ADAP2: variants seen among roughly 807,000 people sequenced by gnomAD.
ADAP2 encodes ArfGAP with dual PH domains 2, also known as arf-GAP with dual PH domain-containing protein 2.
A neutral mutation model predicts 54.9 loss-of-function variants in ADAP2; 42 were observed. The ratio of observed to expected loss-of-function variants is 0.77; its 90% CI spans 0.60 to 0.99. ADAP2 has a LOEUF of 0.99. ADAP2 is among the 50% of genes least tolerant of loss of function. The probability of loss-of-function intolerance (pLI) is 0.00; values close to 1 mark genes in which losing one functional copy is unlikely to be tolerated. For missense variants in ADAP2, 429 were observed against 480.4 expected, an observed-to-expected ratio of 0.89 and a Z score of 1.00; for synonymous variants, 177 against 180.1, an observed-to-expected ratio of 0.98 and a Z score of 0.14.
chr17:30,931,251 C>T (rs1366115020), intron 3 of ADAP2, among the ~76,000 whole-genome samples: 1 of 152,108 alleles, frequency 6.6e-6, no homozygotes. Flanking sequence ...CGGTGGTTCT[C>T]ATATAGCCCA....
At position 30,926,979 on chromosome 17, in the gene ADAP2, C is replaced by A. The variant is rs531253338; in HGVS notation, c.317+61C>A. 4.5e-6 allele frequency: 6 copies of A among 1,321,960 alleles called. No homozygotes were observed. The East Asian group carries it at 7.0e-5, about 15-fold the overall frequency. 81.9% of individuals were successfully genotyped at this position (1,321,960 alleles called of 1,614,324 possible). On this transcript the variant is annotated intron_variant, in intron 3 of 10. Coordinates refer to ENST00000330889, the MANE Select transcript of ADAP2 (RefSeq NM_018404.3). ...TCTGTCCTGGTTCCACCTCCTCCCCCTCTCCATCTTTGGTGTCTTCATCTG... is the reference window on the plus strand; with the variant it reads ...TCTGTCCTGGTTCCACCTCCTCCCCATCTCCATCTTTGGTGTCTTCATCTG...
chr17:30,934,648 C>A (rs1911744810), intron 5 of ADAP2, among the ~76,000 whole-genome samples: 1 of 152,134 alleles, frequency 6.6e-6, no homozygotes. Context: ...AACTCTTGTT[C>A]TCAGGGAGCT....
At chr17:30,936,351 A>T (rs1021104611) in intron 5 of ADAP2, among the ~76,000 whole-genome samples, 4 of 152,022 alleles carry the variant, frequency 2.6e-5, no homozygotes, top group African/African-American at 7.2e-5. Flanking sequence ...TTTTGTAGAG[A>T]TAGGGTTTTG....
At chr17:30,948,664 A>G (rs1393080873) in intron 6 of ADAP2, among the ~76,000 whole-genome samples, 3 of 152,184 alleles carry the variant, frequency 2.0e-5, no homozygotes, top group Non-Finnish European at 4.4e-5. Context: ...ATGGTTGTCT[A>G]TGTGGGAGAT....
intron 6 of ADAP2, among the ~76,000 whole-genome samples, chr17:30,947,768 C>T (rs576873617): frequency 6.6e-6 from 1 of 152,328 alleles, no homozygotes; most frequent in South Asian, 2.1e-4. Context: ...AAACCATATT[C>T]AGATGACTTT....
At chr17:30,928,175 A>G (rs1319966788) in intron 3 of ADAP2, among the ~76,000 whole-genome samples, 1 of 145,812 alleles carries the variant, frequency 6.9e-6, no homozygotes, top group Admixed American at 6.9e-5. Flanking sequence ...CCTGGGCAAC[A>G]GAAGGAGACT....
chr17:30,944,972 A>G lies in ADAP2; in HGVS notation c.576A>G (p.Ile192Met). 9 of 1,614,108 alleles carry G rather than the reference A, an allele frequency of 5.6e-6. No homozygotes were observed. The highest frequency in any genetic ancestry group is 2.2e-5 in the South Asian group (2 of 91,082). ...ATGCCACCTTCCAGACAGAGAAGATAGGGCACCCCCATGGGCTGCAGATCA... is the reference window on the plus strand; with the variant it reads ...ATGCCACCTTCCAGACAGAGAAGATGGGGCACCCCCATGGGCTGCAGATCA... ...DLNATFQTEK[I>M]GHPHGLQITY... The change falls in exon 6 of 11, where the codon ATA becomes ATG. Residue 192 changes from isoleucine (I) to methionine (M), a missense_variant. Transcript: ENST00000330889.
chr17:30,934,054 G>A, intron 4 of ADAP2, 131 bp from the exon 5 acceptor site: 1 of 638,756 alleles, frequency 1.6e-6, no homozygotes, highest in South Asian at 2.0e-5. Flanking sequence ...GCTGAAATAG[G>A]GAAGTCTGAG....
chr17:30,924,352 G>C (rs1910869805), intron 2 of ADAP2, among the ~76,000 whole-genome samples: 1 of 151,298 alleles, frequency 6.6e-6, no homozygotes, highest in Admixed American at 6.6e-5. Flanking sequence ...CAGCCAGGGT[G>C]AGAGTGAGAC....
intron 2 of ADAP2, among the ~76,000 whole-genome samples, chr17:30,925,411 G>C (rs1024237412): frequency 6.8e-6 from 1 of 147,880 alleles, no homozygotes; most frequent in African/African-American, 2.5e-5. Flanking sequence ...GGCTGGTCTT[G>C]AACACCTGAC....
intron 3 of ADAP2, among the ~76,000 whole-genome samples, chr17:30,930,275 T>G (rs1315838638): frequency 1.3e-5 from 2 of 151,240 alleles, no homozygotes; most frequent in East Asian, 3.9e-4. Flanking sequence ...TTTTGCTATG[T>G]TGGCCAGGCT....
intron 5 of ADAP2, among the ~76,000 whole-genome samples, chr17:30,937,208 G>A (rs1275115270): frequency 2.6e-5 from 4 of 151,758 alleles, no homozygotes; most frequent in Admixed American, 1.3e-4. Flanking sequence ...ACAGGCGTGA[G>A]CCACCGCGCC....
At chr17:30,932,078 A>G in intron 4 of ADAP2, 110 bp downstream of exon 4, 2 of 1,024,190 alleles carry the variant, frequency 2.0e-6, no homozygotes, top group Middle Eastern at 2.6e-4. Flanking sequence ...TGCTGTTCTC[A>G]CTGTGGCCGC....
intron 7 of ADAP2, among the ~76,000 whole-genome samples, chr17:30,952,703 T>C (rs1228250645): frequency 2.0e-5 from 3 of 152,160 alleles, no homozygotes; most frequent in Non-Finnish European, 4.4e-5. Flanking sequence ...TGTTGCTTGG[T>C]GTCAGAATCC....
At chr17:30,950,523 CT>C (rs747007832) in intron 7 of ADAP2, among the ~76,000 whole-genome samples, 20 of 152,192 alleles carry the variant, frequency 1.3e-4, no homozygotes, top group Non-Finnish European at 2.4e-4. Context: ...ATTCTATGCT[CT>C]GGTCCTCTTC....
At chr17:30,923,097 A>G (rs1339431636) in intron 2 of ADAP2, 27 bp downstream of exon 2, 3 of 1,612,048 alleles carry the variant, frequency 1.9e-6, no homozygotes, top group African/African-American at 1.3e-5. Context: ...GTGGAGAGCC[A>G]TGGAACTGCG....
chr17:30,948,036 A>G (rs528660104), intron 6 of ADAP2, among the ~76,000 whole-genome samples: 1 of 152,276 alleles, frequency 6.6e-6, no homozygotes, highest in Non-Finnish European at 1.5e-5. Flanking sequence ...CCAAAAATCT[A>G]TCTATTACAA....
At chr17:30,932,015 C>A (rs1911524133) in intron 4 of ADAP2, 47 bp downstream of exon 4, 1 of 1,560,946 alleles carries the variant, frequency 6.4e-7, no homozygotes, top group Admixed American at 1.7e-5. Flanking sequence ...TTAATGAGCT[C>A]TAGAAAAACC....
chr17:30,926,143 C>T (rs79649586), intron 2 of ADAP2, among the ~76,000 whole-genome samples: 2,688 of 152,296 alleles, frequency 0.018, 93 homozygotes, highest in African/African-American at 0.061. Context: ...AGCCTAGCGG[C>T]CCCTGCAGAG....
Sources: allele counts gnomAD v4.1 joint callset (sites outside exome capture counted in the v4.1 genomes callset), GRCh38; gene constraint gnomAD v4.1.1; transcripts MANE v1.5; gene names NCBI Gene and HGNC (gene_info 2026-07-23, HGNC 2026-07-21).